The following GALNT13 variants were observed in gnomAD, a reference collection of about 807,000 sequenced individuals.
GALNT13 encodes polypeptide N-acetylgalactosaminyltransferase 13.
In GALNT13, 28 loss-of-function variants were observed where a neutral mutation model predicts 64.2. The observed-to-expected ratio is 0.44, with a 90% CI of 0.32 to 0.60. The LOEUF is 0.60. Ranked by LOEUF, GALNT13 falls within the 20% of genes least tolerant of loss-of-function variation. GALNT13 has a pLI of 0.05. For synonymous variants in GALNT13, 214 were observed against 224.6 expected (o/e 0.95, Z 0.42); for missense variants, 577 against 669.8 (o/e 0.86, Z 1.53).
rs1366631567 is a variant in GALNT13, at chr2:154,450,939, G to A, written c.*388G>A. ...AAATCTTCATTATGAAATATTATCAGTTGCTTTATAAACTCACTCTTTTTA... is the reference window on the plus strand; with the variant it reads ...AAATCTTCATTATGAAATATTATCAATTGCTTTATAAACTCACTCTTTTTA... On this transcript the variant is annotated 3_prime_UTR_variant, in exon 13 of 13. Transcript: ENST00000392825. The A allele has an allele frequency of 6.3e-6, 1 of 157,594 alleles. No homozygotes were observed. The highest frequency in any genetic ancestry group is 6.3e-5 in the Admixed American group (1 of 15,984). 9.8% of individuals were successfully genotyped at this position (157,594 alleles called of 1,614,324 possible).
At chr2:153,683,702 A>G in the GALNT13 span, among the ~76,000 whole-genome samples, 1 of 151,648 alleles carries the variant, frequency 6.6e-6, no homozygotes, top group African/African-American at 2.4e-5. Context: ...AGTCCCAAGG[A>G]GGCTCTCTCT....
At chr2:153,117,900 C>A in the GALNT13 span, among the ~76,000 whole-genome samples, 29 of 152,212 alleles carry the variant, frequency 1.9e-4, no homozygotes, top group African/African-American at 6.7e-4. Context: ...CTCTGCCGTG[C>A]CTAATTTGTC....
At chr2:154,368,280 T>C (rs1697484438) in intron 9 of GALNT13, among the ~76,000 whole-genome samples, 1 of 152,166 alleles carries the variant, frequency 6.6e-6, no homozygotes, top group South Asian at 2.1e-4. Context: ...GAGCTTCTCA[T>C]GTGAGATTAG....
chr2:153,400,592 A>C, the GALNT13 span, among the ~76,000 whole-genome samples: 1 of 152,032 alleles, frequency 6.6e-6, no homozygotes, highest in Admixed American at 6.6e-5. Flanking sequence ...GATTATTGCC[A>C]CAATTTCAGC....
At chr2:154,122,054 A>T (rs796922924) in intron 3 of GALNT13, among the ~76,000 whole-genome samples, 1 of 152,032 alleles carries the variant, frequency 6.6e-6, no homozygotes. Flanking sequence ...GAAAGATTTT[A>T]TGGTGAATTG....
At chr2:153,679,263 C>T in the GALNT13 span, among the ~76,000 whole-genome samples, 1 of 151,978 alleles carries the variant, frequency 6.6e-6, no homozygotes, top group Non-Finnish European at 1.5e-5. Flanking sequence ...TACATTAAGT[C>T]TAATTCCTAT....
chr2:153,888,435 TA>T (rs1275306614), intron 1 of GALNT13, among the ~76,000 whole-genome samples: 1 of 152,012 alleles, frequency 6.6e-6, no homozygotes, highest in Non-Finnish European at 1.5e-5. Flanking sequence ...TATCTGTGTT[TA>T]AAAAATGTTT....
chr2:153,517,448 AC>A, the GALNT13 span, among the ~76,000 whole-genome samples: 2 of 152,060 alleles, frequency 1.3e-5, no homozygotes, highest in Non-Finnish European at 2.9e-5. Flanking sequence ...GAGGTTTGAA[AC>A]CCTTTATGGT....
At chr2:154,105,267 G>T (rs1310998407) in intron 3 of GALNT13, among the ~76,000 whole-genome samples, 1 of 152,056 alleles carries the variant, frequency 6.6e-6, no homozygotes, top group Non-Finnish European at 1.5e-5. Context: ...TCTGTAGCTA[G>T]TGATTTTGAA....
At chr2:154,448,901 A>G (rs1701731081) in intron 12 of GALNT13, among the ~76,000 whole-genome samples, 1 of 152,046 alleles carries the variant, frequency 6.6e-6, no homozygotes. Flanking sequence ...AGAAGTATGC[A>G]ATGGTAAGTG....
chr2:153,548,885 T>G, the GALNT13 span, among the ~76,000 whole-genome samples: 2 of 152,236 alleles, frequency 1.3e-5, no homozygotes, highest in African/African-American at 4.8e-5. Flanking sequence ...AAATGTTGAT[T>G]GAGCAGATTA....
chr2:153,355,376 G>C, the GALNT13 span, among the ~76,000 whole-genome samples: 1 of 152,038 alleles, frequency 6.6e-6, no homozygotes, highest in African/African-American at 2.4e-5. Context: ...TTCTGTATTA[G>C]ATGCCCTCCC....
At chr2:153,415,082 T>G in the GALNT13 span, among the ~76,000 whole-genome samples, 1 of 152,116 alleles carries the variant, frequency 6.6e-6, no homozygotes. Context: ...ATATGTCAAT[T>G]TGGCCTTCCC....
At chr2:153,787,497 C>A in the GALNT13 span, among the ~76,000 whole-genome samples, 1 of 152,136 alleles carries the variant, frequency 6.6e-6, no homozygotes, top group Non-Finnish European at 1.5e-5. Context: ...AGATGAGAAA[C>A]AAACCAATGC....
chr2:154,382,515 A>G (rs1698319442), intron 9 of GALNT13, among the ~76,000 whole-genome samples: 1 of 152,062 alleles, frequency 6.6e-6, no homozygotes, highest in Admixed American at 6.6e-5. Flanking sequence ...AAGAAGATAA[A>G]TACTGCATGG....
intron 3 of GALNT13, among the ~76,000 whole-genome samples, chr2:153,999,098 C>G (rs377022831): frequency 6.6e-6 from 1 of 152,076 alleles, no homozygotes; most frequent in Non-Finnish European, 1.5e-5. Context: ...CCAAGACAAT[C>G]CTAAGCAAAA....
At chr2:154,207,037 A>AT in intron 4 of GALNT13, among the ~76,000 whole-genome samples, 1 of 152,248 alleles carries the variant, frequency 6.6e-6, no homozygotes, top group African/African-American at 2.4e-5. Context: ...CATTAAATCC[A>AT]TGTTCCACAC....
chr2:153,322,028 T>G, the GALNT13 span, among the ~76,000 whole-genome samples: 1 of 150,208 alleles, frequency 6.7e-6, no homozygotes, highest in Non-Finnish European at 1.5e-5. Context: ...ACTATGAATT[T>G]TTTTTTCAAC....
the GALNT13 span, among the ~76,000 whole-genome samples, chr2:153,685,043 CA>C: frequency 6.6e-6 from 1 of 151,606 alleles, no homozygotes; most frequent in Non-Finnish European, 1.5e-5. Context: ...TTTCTTTATC[CA>C]GTCTATCATT....
Sources: gnomAD v4.1 joint callset for allele counts (sites outside exome capture counted in the v4.1 genomes callset) on GRCh38, gnomAD v4.1.1 for gene constraint, MANE v1.5 for transcripts, NCBI Gene and HGNC (gene_info 2026-07-23, HGNC 2026-07-21) for gene names.